Variants in PCDH9 observed in about 807,000 individuals in gnomAD.
PCDH9 encodes the protein protocadherin 9.
A neutral mutation model predicts 70.6 loss-of-function variants in PCDH9; 24 were observed. The observed-to-expected ratio is 0.34, with a 90% confidence interval of 0.25 to 0.48. The LOEUF (loss-of-function observed/expected upper bound fraction) is 0.48. Ranked by LOEUF, PCDH9 falls within the 20% of genes least tolerant of loss-of-function variation. PCDH9 has a pLI of 0.99. For missense variants in PCDH9, 1,281 were observed against 1,503.6 expected (o/e 0.85, Z 2.45); for synonymous variants, 562 against 558.5 (o/e 1.01, Z -0.09).
chr13:66,368,288 G>T (rs1017279834), intron 4 of PCDH9, among the ~76,000 whole-genome samples: 2 of 151,858 alleles, frequency 1.3e-5, no homozygotes, highest in African/African-American at 2.4e-5. Flanking sequence ...TTTACCAAGA[G>T]ATACAGCCAA....
intron 3 of PCDH9, among the ~76,000 whole-genome samples, chr13:66,862,450 G>A (rs546102434): frequency 1.3e-5 from 2 of 152,224 alleles, no homozygotes; most frequent in East Asian, 1.9e-4. Context: ...CCCTGTTATA[G>A]AGGAACAAAA....
chr13:66,544,390 C>T lies in PCDH9; in HGVS notation c.3340+86820G>A, dbSNP rs537196131. 1.1e-4 allele frequency among the ~76,000 whole-genome samples: 17 copies of T among 152,294 alleles called. No homozygotes were observed. The South Asian group carries it at 2.1e-3, about 19-fold the overall frequency. ...TTCAGTAATGGTGGTTTCACACAAA[C>T]ACACACATTCATATGACACGTATAT... On this transcript the variant is annotated intron_variant, in intron 4 of 4. Transcript: ENST00000377865.
At chr13:66,897,796 C>A (rs2082208018) in intron 3 of PCDH9, among the ~76,000 whole-genome samples, 1 of 151,920 alleles carries the variant, frequency 6.6e-6, no homozygotes, top group Admixed American at 6.6e-5. Context: ...AAATTTATCT[C>A]TATATAACAC....
chr13:67,226,245 T>A lies in PCDH9; in HGVS notation c.2196A>T (p.Thr732=), dbSNP rs2089867062. ...NKGLFRIDPV[T]GNITLEEKPA... ...GTTTTTCTTCCAGAGTAATGTTACC[T>A]GTTACTGGATCAATCCGGAATAAGC... The change falls in exon 2 of 5, where the codon ACA becomes ACT. Residue 732 remains threonine, a synonymous_variant. Transcript: ENST00000377865. The surrounding 1 kb of genome is among the most constrained non-coding windows in gnomAD (Gnocchi z 5.0). The A allele has an allele frequency of 6.2e-7, 1 of 1,614,070 alleles. No individual in the cohort carries two copies. Among genetic ancestry groups the A allele is most frequent in the Non-Finnish European group, 8.5e-7 (1 of 1,180,022 alleles).
chr13:66,923,887 C>A (rs1277977460), intron 2 of PCDH9, among the ~76,000 whole-genome samples: 3 of 151,656 alleles, frequency 2.0e-5, no homozygotes, highest in African/African-American at 4.8e-5. Flanking sequence ...TGAAAATGTC[C>A]ATTTTCTGTT....
chr13:66,469,209 T>C (rs1486295377), intron 4 of PCDH9, among the ~76,000 whole-genome samples: 2 of 152,130 alleles, frequency 1.3e-5, no homozygotes, highest in Admixed American at 6.6e-5. Context: ...TAACTAGATA[T>C]GCAGTTAGAG....
At chr13:66,945,005 C>A (rs1218252549) in intron 2 of PCDH9, among the ~76,000 whole-genome samples, 1 of 151,916 alleles carries the variant, frequency 6.6e-6, no homozygotes, top group Non-Finnish European at 1.5e-5. Flanking sequence ...ATACAGCACC[C>A]CAACATTAAC....
At chr13:66,373,308 A>G (rs1237853910) in intron 4 of PCDH9, among the ~76,000 whole-genome samples, 1 of 151,988 alleles carries the variant, frequency 6.6e-6, no homozygotes, top group Non-Finnish European at 1.5e-5. Flanking sequence ...AACAGAAAGT[A>G]GAATGATGAT....
rs375782936 is a variant in PCDH9 at position 66,654,654 on chromosome 13, G to A, written c.3139-23243C>T. On this transcript the variant is annotated intron_variant, in intron 3 of 4. Coordinates refer to ENST00000377865, the MANE Select transcript of PCDH9 (RefSeq NM_203487.3). ...AATTAAATACTGAAAATTCATTTGA[G>A]TTGACATATAGAAAAAAAGACAAAC... Among the ~76,000 whole-genome samples, 16 of 152,174 alleles carry A rather than the reference G, an allele frequency of 1.1e-4. 1 individual carries two copies. The South Asian group carries it at 2.7e-3, about 26-fold the overall frequency.
intron 3 of PCDH9, among the ~76,000 whole-genome samples, chr13:66,776,032 G>T (rs981848751): frequency 6.6e-6 from 1 of 152,110 alleles, no homozygotes; most frequent in East Asian, 1.9e-4. Context: ...ACACACTGCT[G>T]TTGTTCAGGA....
intron 3 of PCDH9, among the ~76,000 whole-genome samples, chr13:66,829,717 CAAAAAAAAA>C (rs562176354): frequency 1.9e-4 from 10 of 53,128 alleles, no homozygotes; most frequent in East Asian, 8.6e-4. Context: ...GACTCCGTCT[CAAAAAAAAA>C]AAAAAAAAAA....
At chr13:66,787,418 C>A (rs1388115734) in intron 3 of PCDH9, among the ~76,000 whole-genome samples, 1 of 151,992 alleles carries the variant, frequency 6.6e-6, no homozygotes, top group Non-Finnish European at 1.5e-5. Flanking sequence ...GAGTTTGAGA[C>A]CAGCCTGGCC....
At chr13:66,896,014 G>A (rs971067163) in intron 3 of PCDH9, among the ~76,000 whole-genome samples, 5 of 152,188 alleles carry the variant, frequency 3.3e-5, no homozygotes, top group Admixed American at 1.3e-4. Context: ...CTGGGCCACA[G>A]CAAGGTTTGG....
chr13:67,223,348 A>G (rs1593648405), intron 2 of PCDH9: 1 of 152,182 alleles, frequency 6.6e-6, no homozygotes, highest in Non-Finnish European at 1.5e-5. Context: ...GGATCTATAC[A>G]TCAATGCTAA....
chr13:66,728,339 A>T (rs2079031811), intron 3 of PCDH9, among the ~76,000 whole-genome samples: 1 of 152,142 alleles, frequency 6.6e-6, no homozygotes, highest in South Asian at 2.1e-4. Flanking sequence ...TATACATTTT[A>T]ATCTAGTTTT....
chr13:66,774,084 G>A (rs533568936), intron 3 of PCDH9, among the ~76,000 whole-genome samples: 2 of 152,226 alleles, frequency 1.3e-5, no homozygotes, highest in South Asian at 4.1e-4. Flanking sequence ...AGCCATTCCT[G>A]TAATTTTTTA....
At chr13:66,567,869 T>A (rs886442343) in intron 4 of PCDH9, among the ~76,000 whole-genome samples, 1 of 152,150 alleles carries the variant, frequency 6.6e-6, no homozygotes, top group Non-Finnish European at 1.5e-5. Flanking sequence ...TTACTTCTTA[T>A]ATAAACCACA....
intron 4 of PCDH9, among the ~76,000 whole-genome samples, chr13:66,623,067 C>T (rs1299336026): frequency 1.3e-5 from 2 of 152,212 alleles, no homozygotes; most frequent in South Asian, 4.1e-4. Context: ...GGAAGAAACT[C>T]CGAACACATC....
Position 67,226,700 on chromosome 13 carries a change from C to G in PCDH9, c.1741G>C (p.Val581Leu), listed in dbSNP as rs143447169. 6 of 1,613,938 alleles carry G rather than the reference C, an allele frequency of 3.7e-6. No homozygotes were observed. Among genetic ancestry groups the G allele is most frequent in the Non-Finnish European group, 2.5e-6 (3 of 1,179,974 alleles). Residue 581 changes from valine to leucine, a missense_variant, in exon 2 of 5, where the codon GTG (valine) becomes CTG (leucine). Around this residue, in one of 4 missense-constraint regions of PCDH9, gnomAD observed 798 missense variants for 1,003.1 expected, o/e 0.80. Transcript: ENST00000377865. This position sits in a 1 kb window ranked among gnomAD's most constrained non-coding sequence, Gnocchi z 5.0. ...CTATACTTTGGCAGATTCTCAGACA[C>G]AAAAAATTGAAAATGATTATGAGTA... ...KFTHNHFQFF[V>L]SENLPKYSTV...
Sources: gnomAD v4.1 joint callset for allele counts (sites outside exome capture counted in the v4.1 genomes callset) on GRCh38, gnomAD v4.1.1 for gene constraint, gnomAD v4.1.1 regional missense constraint, Gnocchi (gnomAD v3.1) non-coding constraint, MANE v1.5 for transcripts, NCBI Gene and HGNC (gene_info 2026-07-23, HGNC 2026-07-21) for gene names.